RCAN3: variants seen among roughly 807,000 people sequenced by gnomAD.
The protein encoded by RCAN3 is calcipressin-3.
RCAN3 carries 19 observed loss-of-function variants against 21.9 expected under a neutral mutation model. That is an observed-to-expected ratio of 0.87 (90% CI 0.61 to 1.27). The LOEUF (loss-of-function observed/expected upper bound fraction) is 1.27, where lower values mean the gene tolerates loss of function less well. Ranked by LOEUF, RCAN3 falls within the 50% of genes most tolerant of loss-of-function variation. The pLI is 0.00. For synonymous variants in RCAN3, 114 were observed against 112.3 expected (o/e 1.01, Z -0.09); for missense variants, 240 against 300.1 (o/e 0.80, Z 1.48).
At chr1:24,519,908 A>G (rs1239121479) in intron 2 of RCAN3, among the ~76,000 whole-genome samples, 1 of 152,226 alleles carries the variant, frequency 6.6e-6, no homozygotes, top group Admixed American at 6.5e-5. Context: ...TGTGGCTTGT[A>G]TAATCATATG....
rs149664928 is a variant in RCAN3 at position 24,522,207 on chromosome 1, T to G, written c.195+7640T>G. Among the ~76,000 whole-genome samples the G allele has an allele frequency of 1.0e-3, 157 of 152,252 alleles. 1 individual carries two copies. Among genetic ancestry groups the G allele is most frequent in the African/African-American group, 3.7e-3 (152 of 41,546 alleles). On this transcript the variant is annotated intron_variant, in intron 2 of 4. Transcript: ENST00000374395. ...TATACACACACATGTGTGTGCGGTA[T>G]GTATGTATTGGACACCTGTTTGGCT...
chr1:24,504,840 A>G (rs1205795433), intron 1 of RCAN3, among the ~76,000 whole-genome samples: 1 of 152,242 alleles, frequency 6.6e-6, no homozygotes, highest in Non-Finnish European at 1.5e-5. Flanking sequence ...CATCAGTCTT[A>G]TATATCTCAA....
chr1:24,522,193 A>T (rs552701533), intron 2 of RCAN3, among the ~76,000 whole-genome samples: 26 of 152,080 alleles, frequency 1.7e-4, no homozygotes, highest in Non-Finnish European at 3.2e-4. Flanking sequence ...ATACACACAC[A>T]TGTGTGTGCG....
rs978030130 is a variant in RCAN3, at chr1:24,540,233, TAG to T, written c.*4959_*4960del. ...ATTATAAAAATCATCACGTTCAAAG[TAG>T]AGTTTTTAGCCAAGGTCAAGAACTA... On this transcript the variant is annotated 3_prime_UTR_variant, in exon 5 of 5. Coordinates refer to ENST00000374395, the MANE Select transcript of RCAN3 (RefSeq NM_013441.4). 4 of 152,444 alleles carry T rather than the reference TAG, an allele frequency of 2.6e-5. No homozygotes were observed. Among genetic ancestry groups the T allele is most frequent in the African/African-American group, 9.7e-5 (4 of 41,446 alleles). The allele number at this position is 152,444 out of a possible 1,614,324, so 9.4% of individuals were successfully genotyped here. A position where few individuals can be genotyped will look rare whatever the true frequency, so the allele number is the denominator to read the frequency against.
chr1:24,504,008 A>C (rs114881143), intron 1 of RCAN3, among the ~76,000 whole-genome samples: 3 of 152,256 alleles, frequency 2.0e-5, no homozygotes, highest in African/African-American at 7.2e-5. Flanking sequence ...CACATAATTC[A>C]GGAGCCAGAT....
At chr1:24,507,678 CG>C (rs1647545868) in intron 1 of RCAN3, 2 of 152,236 alleles carry the variant, frequency 1.3e-5, no homozygotes, top group African/African-American at 4.8e-5. Flanking sequence ...CTCCCTGCCC[CG>C]CTTCCGCAGG....
chr1:24,505,424 T>C (rs113159834), intron 1 of RCAN3, among the ~76,000 whole-genome samples: 5,514 of 151,778 alleles, frequency 0.036, 322 homozygotes, highest in African/African-American at 0.12. Flanking sequence ...GGTTTTTCCA[T>C]GTTGCCCGGG....
chr1:24,523,648 A>ATATATAT lies in RCAN3; in HGVS notation c.196-7569_196-7568insATATATT, dbSNP rs113786883. The stretch of plus-strand genomic sequence containing the variant: ...CACACACACACACACACACATATAT[A>ATATATAT]TTTTTTTTCTTCAGATGGAGTCTCA... On this transcript the variant is annotated intron_variant, in intron 2 of 4. Transcript: ENST00000374395. Among the ~76,000 whole-genome samples the ATATATAT allele has an allele frequency of 2.2e-3, 311 of 139,798 alleles. 1 individual carries two copies. The highest frequency in any genetic ancestry group is 8.5e-3 in the African/African-American group (276 of 32,424). The allele number at this position is 139,798 out of a possible 152,430, so 91.7% of individuals were successfully genotyped here. A position where few individuals can be genotyped will look rare whatever the true frequency, so the allele number is the denominator to read the frequency against.
chr1:24,533,241 C>A lies in RCAN3; in HGVS notation c.528C>A (p.Ser176=). The change falls in exon 4 of 5, where the codon TCC becomes TCA. Residue 176 remains serine (S), a synonymous_variant. Coordinates refer to ENST00000374395, the MANE Select transcript of RCAN3 (RefSeq NM_013441.4). ...VINYDLLCAV[S]KLGPGEKYEL... ...ATTATGATTTACTCTGTGCTGTTTC[C>A]AAATTGGGACCAGGTAATAAACTTC... 6.4e-7 allele frequency: 1 copy of A among 1,552,352 alleles called. No individual in the cohort carries two copies. Among genetic ancestry groups the A allele is most frequent in the Non-Finnish European group, 8.7e-7 (1 of 1,154,390 alleles).
upstream of RCAN3, chr1:24,502,370 T>C (rs978503372): frequency 1.3e-5 from 2 of 152,548 alleles, no homozygotes; most frequent in Non-Finnish European, 2.9e-5. Flanking sequence ...CCAGCTCAGC[T>C]ACCTGCGGCC....
At chr1:24,521,163 G>A (rs764834788) in intron 2 of RCAN3, among the ~76,000 whole-genome samples, 2 of 152,148 alleles carry the variant, frequency 1.3e-5, no homozygotes, top group Non-Finnish European at 2.9e-5. Context: ...TGTATATATG[G>A]TCAAATGATT....
chr1:24,525,500 C>T lies in RCAN3; in HGVS notation c.196-5718C>T, dbSNP rs578137942. On this transcript the variant is annotated intron_variant, in intron 2 of 4. Coordinates refer to ENST00000374395, the MANE Select transcript of RCAN3 (RefSeq NM_013441.4). The surrounding 1 kb of genome is among the most constrained non-coding windows in gnomAD (Gnocchi z 4.1). ...GCTGCCAGAGGGGGATACTAAGTGA[C>T]TACAGAAAAAGTTAAGTGGTTAATG... is the stretch of plus-strand genomic sequence containing the variant. Among the ~76,000 whole-genome samples, 1 of 152,236 alleles carries T rather than the reference C, an allele frequency of 6.6e-6. No individual in the cohort carries two copies. Among genetic ancestry groups the T allele is most frequent in the Non-Finnish European group, 1.5e-5 (1 of 68,018 alleles).
At chr1:24,524,145 G>A (rs1570470337) in intron 2 of RCAN3, among the ~76,000 whole-genome samples, 1 of 152,070 alleles carries the variant, frequency 6.6e-6, no homozygotes, top group Non-Finnish European at 1.5e-5. Context: ...CAGGAGAATC[G>A]CTTGAACCTG....
At chr1:24,521,778 G>A (rs1376205477) in intron 2 of RCAN3, among the ~76,000 whole-genome samples, 2 of 152,254 alleles carry the variant, frequency 1.3e-5, no homozygotes, top group African/African-American at 4.8e-5. Flanking sequence ...AACCTGGGAG[G>A]TGGAGGTTGC....
At chr1:24,506,729 C>T (rs549485422) in intron 1 of RCAN3, among the ~76,000 whole-genome samples, 12 of 146,668 alleles carry the variant, frequency 8.2e-5, no homozygotes, top group African/African-American at 2.5e-4. Context: ...AGGTAGAAAA[C>T]AGGAAATGAA....
intron 4 of RCAN3, 58 bp from the exon 5 acceptor site, chr1:24,535,035 A>G: frequency 6.4e-7 from 1 of 1,557,596 alleles, no homozygotes. Context: ...AAGGGACAAA[A>G]GAGTTCTTTT....
intron 1 of RCAN3, among the ~76,000 whole-genome samples, chr1:24,504,285 C>T (rs1352514728): frequency 6.6e-6 from 1 of 152,184 alleles, no homozygotes; most frequent in Non-Finnish European, 1.5e-5. Context: ...TTCCCAGGAT[C>T]AAGCGATCCT....
intron 2 of RCAN3, 72 bp downstream of exon 2, chr1:24,514,639 T>C: frequency 7.0e-7 from 1 of 1,428,606 alleles, no homozygotes; most frequent in East Asian, 2.3e-5. Context: ...AAACAGAGCT[T>C]GACTGGTCCC....
chr1:24,514,684 T>TC, intron 2 of RCAN3, 117 bp downstream of exon 2: 2 of 1,035,070 alleles, frequency 1.9e-6, no homozygotes, highest in Non-Finnish European at 2.8e-6. Context: ...ATGTCCACTT[T>TC]TAGGCCGGGC....
Sources: allele counts gnomAD v4.1 joint callset (sites outside exome capture counted in the v4.1 genomes callset), GRCh38; gene constraint gnomAD v4.1.1; non-coding constraint Gnocchi (gnomAD v3.1); transcripts MANE v1.5; gene names NCBI Gene and HGNC (gene_info 2026-07-23, HGNC 2026-07-21).